SIPA1L1: variants seen among roughly 807,000 people sequenced by gnomAD.
SIPA1L1 encodes signal-induced proliferation-associated 1-like protein 1.
A neutral mutation model predicts 162.7 loss-of-function variants in SIPA1L1; 26 were observed. The ratio of observed to expected loss-of-function variants is 0.16; its 90% CI spans 0.12 to 0.22. The LOEUF (loss-of-function observed/expected upper bound fraction) is 0.22. SIPA1L1 is among the 10% of genes least tolerant of loss of function. SIPA1L1 has a pLI of 1.00. For synonymous variants in SIPA1L1, 829 were observed against 837.4 expected (o/e 0.99, Z 0.17); for missense variants, 1,874 against 2,241.0 (o/e 0.84, Z 3.31).
At chr14:71,438,821 C>G (rs2044613011) in intron 2 of SIPA1L1, among the ~76,000 whole-genome samples, 1 of 152,188 alleles carries the variant, frequency 6.6e-6, no homozygotes, top group Non-Finnish European at 1.5e-5. Flanking sequence ...TTGGGTCATG[C>G]TCTCATGTGC....
chr14:71,711,207 C>A (rs1395404437), intron 17 of SIPA1L1, among the ~76,000 whole-genome samples: 2 of 152,210 alleles, frequency 1.3e-5, no homozygotes, highest in African/African-American at 4.8e-5. Context: ...ACTATGTATT[C>A]CGTTCCACAA....
At chr14:71,631,495 G>T (rs1206065902) in intron 7 of SIPA1L1, among the ~76,000 whole-genome samples, 2 of 152,072 alleles carry the variant, frequency 1.3e-5, no homozygotes, top group African/African-American at 2.4e-5. Context: ...CTGTAGAATT[G>T]AAATTCATCT....
chr14:71,606,212 C>T (rs1881631559), intron 5 of SIPA1L1, among the ~76,000 whole-genome samples: 1 of 152,124 alleles, frequency 6.6e-6, no homozygotes, highest in African/African-American at 2.4e-5. Flanking sequence ...AAAACATGCC[C>T]TTCCCTTGTG....
At position 71,637,096 on chromosome 14, in the gene SIPA1L1, A is replaced by T. The variant is rs536326733; in HGVS notation, c.1818+12860A>T. On this transcript the variant is annotated intron_variant, in intron 7 of 23. Transcript: ENST00000381232. ...CTACATCTTTGGGGTTTAAAAAAAAATTTTTTTTTTTTCATAAAACCCAGA... is the reference window on the plus strand; with the variant it reads ...CTACATCTTTGGGGTTTAAAAAAAATTTTTTTTTTTTTCATAAAACCCAGA... Among the ~76,000 whole-genome samples, 138 of 142,608 alleles carry T rather than the reference A, an allele frequency of 9.7e-4. No homozygotes were observed. The East Asian group carries it at 0.01, about 11-fold the overall frequency. The allele number at this position is 142,608 out of a possible 152,430, so 93.6% of individuals were successfully genotyped here. A position where few individuals can be genotyped will look rare whatever the true frequency, so the allele number is the denominator to read the frequency against.
intron 3 of SIPA1L1, among the ~76,000 whole-genome samples, chr14:71,518,904 A>G (rs2052011963): frequency 6.6e-6 from 1 of 152,186 alleles, no homozygotes; most frequent in African/African-American, 2.4e-5. Flanking sequence ...GGCACTTCTT[A>G]CATGGCGGCG....
intron 2 of SIPA1L1, chr14:71,448,678 T>A (rs1049576864): frequency 8.6e-5 from 11 of 127,630 alleles, no homozygotes; most frequent in African/African-American, 3.6e-4. Context: ...GCATTTCAAG[T>A]CTAATTGTAA....
At chr14:71,512,585 CAAA>C (rs550540510) in intron 2 of SIPA1L1, among the ~76,000 whole-genome samples, 155 bp from the exon 3 acceptor site, 4 of 46,394 alleles carry the variant, frequency 8.6e-5, no homozygotes, top group Non-Finnish European at 8.0e-5. Context: ...GACTCTGTCT[CAAA>C]AAAAAAAAAA....
At chr14:71,598,487 C>G (rs1358508715) in intron 5 of SIPA1L1, among the ~76,000 whole-genome samples, 1 of 152,164 alleles carries the variant, frequency 6.6e-6, no homozygotes. Context: ...TCCTCTTGCC[C>G]AAGAGGCACA....
At chr14:71,422,629 T>G (rs1002055510) in intron 2 of SIPA1L1, among the ~76,000 whole-genome samples, 6 of 152,246 alleles carry the variant, frequency 3.9e-5, no homozygotes, top group African/African-American at 1.4e-4. Flanking sequence ...TGTCTGAAGA[T>G]TCATCTGTGT....
At chr14:71,343,324 T>C (rs1457175499) in intron 2 of SIPA1L1, among the ~76,000 whole-genome samples, 2 of 152,204 alleles carry the variant, frequency 1.3e-5, no homozygotes, top group Non-Finnish European at 2.9e-5. Context: ...CTTTTTGAGC[T>C]GTTTCATGTC....
At chr14:71,423,870 G>A (rs1433090655) in intron 2 of SIPA1L1, among the ~76,000 whole-genome samples, 1 of 152,108 alleles carries the variant, frequency 6.6e-6, no homozygotes, top group East Asian at 1.9e-4. Flanking sequence ...GATAGGGATT[G>A]TATTACATCT....
rs577490814 is a variant in SIPA1L1 at position 71,690,454 on chromosome 14, C to T, written c.3374+4823C>T. 2.0e-5 allele frequency among the ~76,000 whole-genome samples: 3 copies of T among 152,122 alleles called. No homozygotes were observed. The East Asian group carries it at 5.8e-4, about 29-fold the overall frequency. ...ATAGAGACAGTGTCTCACTCTGTTGCCCAGACTAGTTGTAAACTCTTAGCC... is the reference window on the plus strand; with the variant it reads ...ATAGAGACAGTGTCTCACTCTGTTGTCCAGACTAGTTGTAAACTCTTAGCC... On this transcript the variant is annotated intron_variant, in intron 13 of 23. Transcript: ENST00000381232.
intron 2 of SIPA1L1, among the ~76,000 whole-genome samples, chr14:71,490,130 T>C (rs934740144): frequency 1.3e-5 from 2 of 151,878 alleles, no homozygotes; most frequent in Non-Finnish European, 1.5e-5. Context: ...TGCATAGATA[T>C]AGTTAAATTA....
chr14:71,725,009 T>C lies in SIPA1L1; in HGVS notation c.4614+174T>C, dbSNP rs893984369. Among the ~76,000 whole-genome samples, 4 of 152,230 alleles carry C rather than the reference T, an allele frequency of 2.6e-5. 1 individual carries two copies. The highest frequency in any genetic ancestry group is 9.6e-5 in the African/African-American group (4 of 41,460). Reference sequence around the variant, plus strand: ...ACTGGTCCACAGTGTTTGACAGTGCTCTGTCCCTGCAGCCACATCTCATTA... The same window carrying C: ...ACTGGTCCACAGTGTTTGACAGTGCCCTGTCCCTGCAGCCACATCTCATTA... On this transcript the variant is annotated intron_variant, in intron 19 of 23. Coordinates refer to ENST00000381232, the MANE Select transcript of SIPA1L1 (RefSeq NM_001386936.1).
rs765079769 is a variant in SIPA1L1 at position 71,724,626 on chromosome 14, C to A, written c.4449-44C>A. On this transcript the variant is annotated intron_variant, in intron 18 of 23. Transcript: ENST00000381232. ...AGAGCCCATCATGCCCTTGAGCCAG[C>A]CTTGTTGAGTTGGTATCTATCATCT... The A allele has an allele frequency of 4.5e-6, 7 of 1,569,090 alleles. No homozygotes were observed. In the African/African-American group the frequency reaches 5.5e-5, roughly 12 times the overall value.
intron 2 of SIPA1L1, among the ~76,000 whole-genome samples, chr14:71,366,902 G>A (rs775971520): frequency 1.2e-4 from 19 of 152,214 alleles, no homozygotes; most frequent in Admixed American, 2.6e-4. Context: ...AACCTAGTGC[G>A]TTTATTAGCT....
At chr14:71,498,625 A>G (rs2049969644) in intron 2 of SIPA1L1, among the ~76,000 whole-genome samples, 1 of 152,206 alleles carries the variant, frequency 6.6e-6, no homozygotes, top group Non-Finnish European at 1.5e-5. Context: ...TGAGCTGAAT[A>G]AACAGTATTC....
chr14:71,661,390 A>G lies in SIPA1L1; in HGVS notation c.2178A>G (p.Lys726=), dbSNP rs374873707. The G allele has an allele frequency of 1.9e-6, 3 of 1,613,904 alleles. No individual in the cohort carries two copies. The highest frequency in any genetic ancestry group is 2.5e-6 in the Non-Finnish European group (3 of 1,179,956). The change falls in exon 10 of 24, where the codon AAA becomes AAG. Residue 726 remains lysine, a synonymous_variant. Coordinates refer to ENST00000381232, the MANE Select transcript of SIPA1L1 (RefSeq NM_001386936.1). The part of the protein sequence containing the change: ...QEPGAQPFSP[K]NIRSHFQHVF... ...CTGGAGCACAGCCATTCAGCCCAAA[A>G]AACATCCGATCCCACTTCCAGCACG...
chr14:71,501,134 A>G (rs2050179980), intron 2 of SIPA1L1, among the ~76,000 whole-genome samples: 1 of 152,094 alleles, frequency 6.6e-6, no homozygotes, highest in Non-Finnish European at 1.5e-5. Context: ...AGCCTGGGGA[A>G]CATAGTTAGA....
Sources: gnomAD v4.1 joint callset for allele counts (sites outside exome capture counted in the v4.1 genomes callset) on GRCh38, gnomAD v4.1.1 for gene constraint, MANE v1.5 for transcripts, NCBI Gene and HGNC (gene_info 2026-07-23, HGNC 2026-07-21) for gene names.